Variants in IFT74 observed in about 807,000 individuals in gnomAD.
IFT74 encodes intraflagellar transport protein 74 homolog.
A neutral mutation model predicts 96.7 loss-of-function variants in IFT74; 92 were observed. That is an observed-to-expected ratio of 0.95 (90% CI 0.80 to 1.13). The LOEUF is 1.13. Ranked by LOEUF, IFT74 falls within the 50% of genes most tolerant of loss-of-function variation. The pLI is 0.00. For missense variants in IFT74, 811 were observed against 698.2 expected, an observed-to-expected ratio of 1.16 and a Z score of -1.82; for synonymous variants, 223 against 213.2, an observed-to-expected ratio of 1.05 and a Z score of -0.40.
chr9:27,042,107 G>T (rs1307484260), intron 13 of IFT74, among the ~76,000 whole-genome samples: 1 of 152,118 alleles, frequency 6.6e-6, no homozygotes, highest in Non-Finnish European at 1.5e-5. Context: ...ATAAAGAGAG[G>T]GAAGACTATG....
Position 26,984,235 on chromosome 9 carries a change from ATTC to A in IFT74, c.306-19_306-17del. ...TTTCTGGATTAAAAGTATTGCTGAC[ATTC>A]TTATTTCTTTTCTAATAGAAGTAAA... On this transcript the variant is annotated intron_variant, in intron 4 of 19. Transcript: ENST00000380062. The A allele has an allele frequency of 6.5e-7, 1 of 1,532,686 alleles. No individual in the cohort carries two copies. 94.9% of individuals were successfully genotyped at this position (1,532,686 alleles called of 1,614,324 possible). A position where few individuals can be genotyped will look rare whatever the true frequency, so the allele number is the denominator to read the frequency against.
intron 2 of IFT74, among the ~76,000 whole-genome samples, chr9:26,973,146 A>G (rs1826951495): frequency 1.3e-5 from 2 of 152,234 alleles, no homozygotes; most frequent in Non-Finnish European, 2.9e-5. Flanking sequence ...CGCAGAAAGC[A>G]TCCTTCAAAT....
upstream of IFT74, among the ~76,000 whole-genome samples, chr9:26,954,561 A>G (rs1247377651): frequency 2.0e-5 from 3 of 150,886 alleles, no homozygotes; most frequent in African/African-American, 7.3e-5. Context: ...TGCACTGAGG[A>G]CATATAATGA....
intron 13 of IFT74, among the ~76,000 whole-genome samples, chr9:27,041,786 T>C (rs147466741): frequency 3.8e-4 from 58 of 152,318 alleles, no homozygotes; most frequent in East Asian, 2.3e-3. Flanking sequence ...GCAACTCAGA[T>C]ACTAATCCTC....
At chr9:26,979,880 T>C (rs1361335920) in intron 3 of IFT74, among the ~76,000 whole-genome samples, 1 of 151,664 alleles carries the variant, frequency 6.6e-6, no homozygotes, top group Non-Finnish European at 1.5e-5. Flanking sequence ...GCCCAGCTAA[T>C]TTTTTTGTAT....
At chr9:27,002,469 T>C (rs1828551684) in intron 8 of IFT74, among the ~76,000 whole-genome samples, 1 of 152,264 alleles carries the variant, frequency 6.6e-6, no homozygotes, top group African/African-American at 2.4e-5. Flanking sequence ...TTCCTGGATA[T>C]GGCAAGAGAT....
In IFT74 at chr9:26,969,019, T is replaced by C. The variant is rs532886962; in HGVS notation, c.120+6932T>C. On this transcript the variant is annotated intron_variant, in intron 2 of 19. Transcript: ENST00000380062. Reference sequence around the variant, plus strand: ...ATTATTAGGTTGTTTATTTTGTTTTTCTACTTTTTTAATGTAGGCACTTAC... The same window carrying C: ...ATTATTAGGTTGTTTATTTTGTTTTCCTACTTTTTTAATGTAGGCACTTAC... Among the ~76,000 whole-genome samples the C allele has an allele frequency of 3.3e-5, 5 of 152,280 alleles. No homozygotes were observed. In the South Asian group the frequency reaches 6.2e-4, roughly 19 times the overall value.
At chr9:26,998,184 TC>T in intron 8 of IFT74, 1 of 1,566,632 alleles carries the variant, frequency 6.4e-7, no homozygotes, top group Non-Finnish European at 8.7e-7. Context: ...GTAACATCTT[TC>T]TTGATATCTG....
At chr9:26,976,818 T>C (rs1332938914) in intron 2 of IFT74, 2 of 455,678 alleles carry the variant, frequency 4.4e-6, no homozygotes, top group Admixed American at 4.7e-5. Context: ...AGGGAGTCTT[T>C]TGGCCTTTCC....
At chr9:27,061,166 T>C (rs200345080) in intron 19 of IFT74, among the ~76,000 whole-genome samples, 2 of 149,240 alleles carry the variant, frequency 1.3e-5, no homozygotes, top group South Asian at 2.1e-4. Flanking sequence ...TGTGTGTGTG[T>C]GTGCGCACGC....
intron 2 of IFT74, among the ~76,000 whole-genome samples, chr9:26,974,570 T>A (rs1827019201): frequency 6.6e-6 from 1 of 152,194 alleles, no homozygotes; most frequent in South Asian, 2.1e-4. Flanking sequence ...ATCTTCCATG[T>A]TTTCCTGGTG....
chr9:26,971,200 G>A (rs1227824826), intron 2 of IFT74, among the ~76,000 whole-genome samples: 2 of 152,186 alleles, frequency 1.3e-5, no homozygotes, highest in Non-Finnish European at 2.9e-5. Flanking sequence ...TCAGGCAACC[G>A]ATGGGGGGCA....
chr9:26,955,035 T>C (rs1826036080), upstream of IFT74, among the ~76,000 whole-genome samples: 1 of 152,238 alleles, frequency 6.6e-6, no homozygotes. Flanking sequence ...AAGCAAATTA[T>C]TTAATCTCTT....
intron 14 of IFT74, among the ~76,000 whole-genome samples, chr9:27,046,582 A>G (rs760097919): frequency 2.6e-5 from 4 of 152,216 alleles, no homozygotes; most frequent in Non-Finnish European, 5.9e-5. Flanking sequence ...AAATGAATCC[A>G]GCATTGTAAA....
At position 26,984,525 on chromosome 9, in the gene IFT74, A is replaced by G. The variant is rs772276924; in HGVS notation, c.431A>G (p.Lys144Arg). Residue 144 changes from lysine (K) to arginine (R), a missense_variant, in exon 6 of 20, where the codon AAA becomes AGA. Transcript: ENST00000380062. ...GCTGAGACTTTAGCTGTTGAGATAA[A>G]AGAGCTTCAAGGACAACTAGCAGAC... ...KRAETLAVEI[K>R]ELQGQLADYN... 3.3e-5 allele frequency: 53 copies of G among 1,612,512 alleles called. No homozygotes were observed. Among genetic ancestry groups the G allele is most frequent in the African/African-American group, 4.0e-5 (3 of 74,910 alleles).
intron 2 of IFT74, among the ~76,000 whole-genome samples, chr9:26,970,128 C>G (rs1292654281): frequency 6.6e-6 from 1 of 151,964 alleles, no homozygotes; most frequent in East Asian, 1.9e-4. Context: ...AAAATTCTTT[C>G]CTTCGCATTG....
intron 4 of IFT74, among the ~76,000 whole-genome samples, chr9:26,981,240 CTTATT>C (rs1827363191): frequency 6.6e-6 from 1 of 152,086 alleles, no homozygotes; most frequent in Non-Finnish European, 1.5e-5. Flanking sequence ...CCATAGCAAA[CTTATT>C]TTATTTTATT....
rs1262211852 is a variant in IFT74 at position 27,062,934 on chromosome 9, C to G, written c.*198C>G. 2 of 485,000 alleles carry G rather than the reference C, an allele frequency of 4.1e-6. No individual in the cohort carries two copies. The highest frequency in any genetic ancestry group is 7.2e-6 in the Non-Finnish European group (2 of 278,148). 30.0% of individuals were successfully genotyped at this position (485,000 alleles called of 1,614,324 possible). ...TAAATGGTTTGCATATTAAAAAGTA[C>G]CATCTTCTTTTCTTTTTATGCTACT... On this transcript the variant is annotated 3_prime_UTR_variant, in exon 20 of 20. Transcript: ENST00000380062.
intron 13 of IFT74, among the ~76,000 whole-genome samples, chr9:27,037,046 C>T (rs955013760): frequency 2.6e-5 from 4 of 151,890 alleles, no homozygotes; most frequent in African/African-American, 7.3e-5. Flanking sequence ...GGTGAAACCC[C>T]GTCTCTACTA....
Sources: gnomAD v4.1 joint callset for allele counts (sites outside exome capture counted in the v4.1 genomes callset) on GRCh38, gnomAD v4.1.1 for gene constraint, MANE v1.5 for transcripts, NCBI Gene and HGNC (gene_info 2026-07-23, HGNC 2026-07-21) for gene names.